The following MEI4 variants were observed in gnomAD, a reference collection of about 807,000 sequenced individuals.
MEI4 encodes meiotic double-stranded break formation protein 4, also known as meiosis-specific protein MEI4.
In MEI4, 27 loss-of-function variants were observed where a neutral mutation model predicts 31.4. The observed-to-expected ratio is 0.86, with a 90% CI of 0.63 to 1.19. The LOEUF is 1.19. MEI4 is among the 50% of genes most tolerant of loss of function. The pLI, the probability that MEI4 is intolerant of heterozygous loss-of-function variation, is 0.00. For synonymous variants in MEI4, 122 were observed against 145.4 expected (o/e 0.84, Z 1.16); for missense variants, 329 against 398.9 (o/e 0.82, Z 1.49).
At chr6:77,921,949 A>G (rs1186187755) in intron 4 of MEI4, among the ~76,000 whole-genome samples, 1 of 151,818 alleles carries the variant, frequency 6.6e-6, no homozygotes, top group Non-Finnish European at 1.5e-5. Context: ...AAATATTGTG[A>G]TAATTACCAG....
At chr6:77,760,348 G>C (rs899974196) in intron 2 of MEI4, among the ~76,000 whole-genome samples, 2 of 151,810 alleles carry the variant, frequency 1.3e-5, no homozygotes, top group African/African-American at 4.8e-5. Context: ...TTTTCCAAAG[G>C]GGTCTTATAT....
rs77940502 is a variant in MEI4 at position 77,856,384 on chromosome 6, C to T, written c.900+27322C>T. Among the ~76,000 whole-genome samples the T allele has an allele frequency of 4.4e-3, 677 of 152,266 alleles. 2 individuals carry two copies. Among genetic ancestry groups the T allele is most frequent in the African/African-American group, 0.013 (561 of 41,560 alleles). On this transcript the variant is annotated intron_variant, in intron 4 of 4. Transcript: ENST00000684080. ...TCAGGTGCCTATCTAATCTCAGAAT[C>T]TGGTATCCCAGTCCTACGTTCTCAT...
At chr6:77,737,913 G>A (rs1161270612) in intron 2 of MEI4, among the ~76,000 whole-genome samples, 1 of 152,168 alleles carries the variant, frequency 6.6e-6, no homozygotes, top group African/African-American at 2.4e-5. Flanking sequence ...GACGAATGAG[G>A]TTTCAGCTTC....
chr6:77,924,401 A>AAAGAT lies in MEI4; in HGVS notation c.*1058_*1062dup, dbSNP rs1393916620. ...TTGGAATTATTTCTAGCATTTTTGA[A>AAAGAT]AAGATAATGCCTTTTTGATAATCCT... On this transcript the variant is annotated 3_prime_UTR_variant, in exon 5 of 5. Coordinates refer to ENST00000684080, the MANE Select transcript of MEI4 (RefSeq NM_001322247.2). 2.6e-5 allele frequency: 4 copies of AAAGAT among 151,872 alleles called. No homozygotes were observed. The highest frequency in any genetic ancestry group is 9.7e-5 in the African/African-American group (4 of 41,382). The allele number at this position is 151,872 out of a possible 1,614,324, so 9.4% of individuals were successfully genotyped here. A position where few individuals can be genotyped will look rare whatever the true frequency, so the allele number is the denominator to read the frequency against.
rs576073285 is a variant in MEI4 at position 77,881,835 on chromosome 6, T to A, written c.901-41254T>A. On this transcript the variant is annotated intron_variant, in intron 4 of 4. Transcript: ENST00000684080. ...AGGGGAAAGTCTTGTGAAATTTATT[T>A]TATATTTTTTGTGACTTCCTTAGGT... Among the ~76,000 whole-genome samples the A allele has an allele frequency of 5.3e-5, 8 of 152,364 alleles. No homozygotes were observed. In the East Asian group the frequency reaches 1.5e-3, roughly 29 times the overall value.
At chr6:77,909,561 A>AT (rs1261176914) in intron 4 of MEI4, among the ~76,000 whole-genome samples, 2 of 152,170 alleles carry the variant, frequency 1.3e-5, no homozygotes, top group Admixed American at 6.6e-5. Flanking sequence ...TTGAGGCAAT[A>AT]TTTAATAGCT....
chr6:77,776,662 A>C (rs1043463277), intron 3 of MEI4, among the ~76,000 whole-genome samples: 1 of 152,170 alleles, frequency 6.6e-6, no homozygotes, highest in African/African-American at 2.4e-5. Context: ...AATCAAAGTA[A>C]ATCCAAGCCA....
intron 4 of MEI4, among the ~76,000 whole-genome samples, chr6:77,909,876 C>T (rs1264394864): frequency 6.6e-6 from 1 of 152,168 alleles, no homozygotes; most frequent in African/African-American, 2.4e-5. Flanking sequence ...AAGTGGGCTT[C>T]ATCCCTGGGA....
At chr6:77,796,225 A>T (rs907953086) in intron 3 of MEI4, among the ~76,000 whole-genome samples, 1 of 152,196 alleles carries the variant, frequency 6.6e-6, no homozygotes, top group African/African-American at 2.4e-5. Context: ...AATGCACTTC[A>T]ACATTATAAA....
upstream of MEI4, among the ~76,000 whole-genome samples, chr6:77,651,595 GTAT>G (rs1768302050): frequency 6.6e-6 from 1 of 152,124 alleles, no homozygotes; most frequent in African/African-American, 2.4e-5. Context: ...GATTTACAGC[GTAT>G]TATATGACTG....
chr6:77,923,055 C>CAATT (rs1766746836), intron 4 of MEI4, 34 bp from the exon 5 acceptor site: 1 of 1,217,582 alleles, frequency 8.2e-7, no homozygotes, highest in Non-Finnish European at 1.0e-6. Flanking sequence ...AATTTATACC[C>CAATT]AATTTTTTAA....
chr6:77,913,599 G>T (rs887131155), intron 4 of MEI4, among the ~76,000 whole-genome samples: 1 of 151,752 alleles, frequency 6.6e-6, no homozygotes, highest in Non-Finnish European at 1.5e-5. Context: ...TGTCTGTGAT[G>T]ATCTTTTGTA....
In MEI4 at chr6:77,681,599, CT is replaced by C. The variant is rs5877565; in HGVS notation, c.-14-9058del. On this transcript the variant is annotated intron_variant, in intron 1 of 4. Transcript: ENST00000684080. ...CTTATAAAATATATGTGATGCATGT[CT>C]CCATGTGAAATTCTGCCAGAATCCA... Among the ~76,000 whole-genome samples, 963 of 152,176 alleles carry C rather than the reference CT, an allele frequency of 6.3e-3. 19 individuals are homozygous for C. The highest frequency in any genetic ancestry group is 0.042 in the Admixed American group (647 of 15,276).
chr6:77,735,344 T>C lies in MEI4; in HGVS notation c.233-25786T>C, dbSNP rs540569673. On this transcript the variant is annotated intron_variant, in intron 2 of 4. Transcript: ENST00000684080. Reference sequence around the variant, plus strand: ...GGCTTTGCTCATTTCTTTTTATTCTTTTTTCTCTAAACTTCCCTTCTTGCT... The same window carrying C: ...GGCTTTGCTCATTTCTTTTTATTCTCTTTTCTCTAAACTTCCCTTCTTGCT... Among the ~76,000 whole-genome samples, 49 of 151,944 alleles carry C rather than the reference T, an allele frequency of 3.2e-4. No homozygotes were observed. The South Asian group carries it at 1.0e-2, about 31-fold the overall frequency.
intron 2 of MEI4, among the ~76,000 whole-genome samples, chr6:77,748,911 C>T (rs1561973186): frequency 6.6e-6 from 1 of 152,132 alleles, no homozygotes; most frequent in South Asian, 2.1e-4. Context: ...TGGGATGAAG[C>T]TTCCAGAGAA....
intron 2 of MEI4, among the ~76,000 whole-genome samples, chr6:77,737,701 G>T (rs1767288897): frequency 6.6e-6 from 1 of 152,170 alleles, no homozygotes; most frequent in South Asian, 2.1e-4. Flanking sequence ...CAGGCAGAGG[G>T]AAGGTTTAAT....
intron 4 of MEI4, among the ~76,000 whole-genome samples, chr6:77,850,977 G>A (rs1456141796): frequency 6.6e-6 from 1 of 152,182 alleles, no homozygotes; most frequent in Admixed American, 6.5e-5. Context: ...GTGGGCAAAG[G>A]ATATGAACAG....
At chr6:77,846,188 C>CT (rs1770482795) in intron 4 of MEI4, among the ~76,000 whole-genome samples, 1 of 152,066 alleles carries the variant, frequency 6.6e-6, no homozygotes, top group Non-Finnish European at 1.5e-5. Context: ...TCTCGTCTCA[C>CT]TGCAAGCTCT....
At chr6:77,808,003 T>A (rs553998844) in intron 3 of MEI4, among the ~76,000 whole-genome samples, 2 of 152,276 alleles carry the variant, frequency 1.3e-5, no homozygotes, top group South Asian at 4.1e-4. Flanking sequence ...CTAAGCATTT[T>A]TAAATTCAGA....
Sources: allele counts gnomAD v4.1 joint callset (sites outside exome capture counted in the v4.1 genomes callset), GRCh38; gene constraint gnomAD v4.1.1; transcripts MANE v1.5; gene names NCBI Gene and HGNC (gene_info 2026-07-23, HGNC 2026-07-21).